Variants in ANKRD30B observed in about 807,000 individuals in gnomAD.
ANKRD30B encodes ankyrin repeat domain 30B.
ANKRD30B carries 144 observed loss-of-function variants against 202.2 expected under a neutral mutation model. The observed-to-expected ratio is 0.71, with a 90% CI of 0.62 to 0.82. The LOEUF (loss-of-function observed/expected upper bound fraction) is 0.82. Ranked by LOEUF, ANKRD30B falls within the 40% of genes least tolerant of loss-of-function variation. ANKRD30B has a pLI of 0.00. For missense variants in ANKRD30B, 1,487 were observed against 1,669.1 expected, an observed-to-expected ratio of 0.89 and a Z score of 1.90; for synonymous variants, 508 against 561.3, an observed-to-expected ratio of 0.91 and a Z score of 1.34.
In ANKRD30B at chr18:14,818,985, C is replaced by A. The variant is rs377577097; in HGVS notation, c.2642-3498C>A. ...TAGTTTACAGTCCCACCAACAGTGT[C>A]AAAGTGTTCCTATTTCTCCACATCC... On this transcript the variant is annotated intron_variant, in intron 30 of 43. Coordinates refer to ENST00000690538, the MANE Select transcript of ANKRD30B (RefSeq NM_001367607.2). Among the ~76,000 whole-genome samples, 274 of 152,126 alleles carry A rather than the reference C, an allele frequency of 1.8e-3. 1 individual carries two copies. The highest frequency in any genetic ancestry group is 7.8e-4 in the East Asian group (4 of 5,148).
chr18:14,796,095 A>T (rs1328641042), intron 16 of ANKRD30B, 126 bp from the exon 17 acceptor site: 2 of 1,081,712 alleles, frequency 1.8e-6, no homozygotes, highest in Non-Finnish European at 2.8e-6. Flanking sequence ...AAAAGACCCC[A>T]AAACCTAGTG....
the ANKRD30B span, among the ~76,000 whole-genome samples, chr18:14,940,964 G>A: frequency 2.6e-5 from 4 of 152,004 alleles, no homozygotes; most frequent in Non-Finnish European, 5.9e-5. Flanking sequence ...AACTCAAATA[G>A]AGCTCCCCAC....
At chr18:14,883,357 CTCTG>C in the ANKRD30B span, among the ~76,000 whole-genome samples, 7,832 of 115,256 alleles carry the variant, frequency 0.068, 374 homozygotes, top group South Asian at 0.083. Context: ...CTTTCTCTCT[CTCTG>C]TCTGTCTGTC....
chr18:14,913,163 AT>A, the ANKRD30B span, among the ~76,000 whole-genome samples: 29 of 152,230 alleles, frequency 1.9e-4, no homozygotes, highest in Non-Finnish European at 4.4e-5. Flanking sequence ...TTAATGCACT[AT>A]TTAGACTAAG....
chr18:14,806,125 CAGG>C (rs1969495499), intron 24 of ANKRD30B, among the ~76,000 whole-genome samples: 2 of 148,848 alleles, frequency 1.3e-5, no homozygotes, highest in African/African-American at 5.0e-5. Context: ...GAGGTTGAGG[CAGG>C]AGAATGGCCT....
At chr18:14,790,876 G>A (rs1598622991) in intron 15 of ANKRD30B, among the ~76,000 whole-genome samples, 1 of 152,026 alleles carries the variant, frequency 6.6e-6, no homozygotes, top group East Asian at 1.9e-4. Flanking sequence ...TCTCTGCCTG[G>A]CTTTGGTATC....
chr18:14,836,206 C>A (rs890177882), intron 34 of ANKRD30B, among the ~76,000 whole-genome samples: 20 of 152,132 alleles, frequency 1.3e-4, no homozygotes, highest in African/African-American at 4.3e-4. Flanking sequence ...CTAGATCTTT[C>A]TTCTAAGCCC....
chr18:14,794,044 A>G (rs1338792364), intron 16 of ANKRD30B, among the ~76,000 whole-genome samples: 1 of 152,168 alleles, frequency 6.6e-6, no homozygotes, highest in African/African-American at 2.4e-5. Flanking sequence ...ATTAGAAATT[A>G]AAAGTGAAGT....
chr18:14,791,286 T>A, intron 15 of ANKRD30B, 115 bp from the exon 16 acceptor site: 4 of 830,198 alleles, frequency 4.8e-6, no homozygotes, highest in Non-Finnish European at 7.7e-6. Context: ...TTAAGTCGAA[T>A]TGTTTGCAAA....
the ANKRD30B span, chr18:14,905,782 C>A: frequency 6.6e-6 from 1 of 152,156 alleles, no homozygotes; most frequent in African/African-American, 2.4e-5. Flanking sequence ...TCAGGGTCTG[C>A]TGTCATGTGA....
At chr18:14,872,562 A>C in the ANKRD30B span, among the ~76,000 whole-genome samples, 7 of 152,090 alleles carry the variant, frequency 4.6e-5, no homozygotes, top group African/African-American at 1.7e-4. Flanking sequence ...TCCTTTCCCC[A>C]AGCAACTCAG....
At chr18:14,794,379 T>C (rs574333367) in intron 16 of ANKRD30B, among the ~76,000 whole-genome samples, 73 of 151,622 alleles carry the variant, frequency 4.8e-4, no homozygotes, top group Non-Finnish European at 8.4e-4. Flanking sequence ...TGTTTTGCTT[T>C]TTTATCTTGT....
intron 3 of ANKRD30B, among the ~76,000 whole-genome samples, chr18:14,753,987 A>G (rs1394344572): frequency 6.6e-6 from 1 of 152,190 alleles, no homozygotes; most frequent in African/African-American, 2.4e-5. Context: ...CATTTAAAGA[A>G]GTAGATATGC....
At chr18:14,874,080 T>C in the ANKRD30B span, among the ~76,000 whole-genome samples, 6 of 152,172 alleles carry the variant, frequency 3.9e-5, no homozygotes, top group East Asian at 1.2e-3. Context: ...GGAATGGTGA[T>C]TGTGTCTACC....
the ANKRD30B span, among the ~76,000 whole-genome samples, chr18:14,877,308 G>GATGAATGAATGA: frequency 9.0e-6 from 1 of 111,456 alleles, no homozygotes; most frequent in African/African-American, 3.2e-5. Flanking sequence ...CTCAATAAAT[G>GATGAATGAATGA]ATGAATGAAT....
chr18:14,777,119 G>T (rs1382877394), intron 9 of ANKRD30B, among the ~76,000 whole-genome samples: 1 of 152,066 alleles, frequency 6.6e-6, no homozygotes, highest in East Asian at 1.9e-4. Flanking sequence ...GTACACGAGT[G>T]AATTTTTTAT....
At chr18:14,786,253 T>C (rs1253046028) in intron 14 of ANKRD30B, among the ~76,000 whole-genome samples, 2 of 152,338 alleles carry the variant, frequency 1.3e-5, no homozygotes, top group Non-Finnish European at 2.9e-5. Flanking sequence ...TTCTGTCTTA[T>C]GTGCCTGAGA....
chr18:14,854,913 T>TTTA (rs1236489969), downstream of ANKRD30B, among the ~76,000 whole-genome samples: 2 of 151,936 alleles, frequency 1.3e-5, no homozygotes, highest in Non-Finnish European at 2.9e-5. Context: ...CTATGCTTTT[T>TTTA]TTATTATTAT....
At chr18:14,903,651 T>A in the ANKRD30B span, 1 of 152,196 alleles carries the variant, frequency 6.6e-6, no homozygotes, top group African/African-American at 2.4e-5. Context: ...CCTCTGTTGA[T>A]CTCTGAAGGT....
Sources: gnomAD v4.1 joint callset for allele counts (sites outside exome capture counted in the v4.1 genomes callset) on GRCh38, gnomAD v4.1.1 for gene constraint, MANE v1.5 for transcripts, NCBI Gene and HGNC (gene_info 2026-07-23, HGNC 2026-07-21) for gene names.